RPS6KA2: variants seen among roughly 807,000 people sequenced by gnomAD.
RPS6KA2 encodes ribosomal protein S6 kinase A2, also known as ribosomal protein S6 kinase alpha-2.
RPS6KA2 carries 42 observed loss-of-function variants against 91.8 expected under a neutral mutation model. The observed-to-expected ratio is 0.46, with a 90% CI of 0.36 to 0.59. RPS6KA2 has a LOEUF of 0.59. Ranked by LOEUF, RPS6KA2 falls within the 20% of genes least tolerant of loss-of-function variation. The probability of loss-of-function intolerance (pLI) is 0.00; values close to 1 mark genes in which losing one functional copy is unlikely to be tolerated. For synonymous variants in RPS6KA2, 414 were observed against 393.6 expected, an observed-to-expected ratio of 1.05 and a Z score of -0.61; for missense variants, 798 against 978.5, an observed-to-expected ratio of 0.82 and a Z score of 2.46.
intron 3 of RPS6KA2, among the ~76,000 whole-genome samples, chr6:166,525,874 T>C (rs1446195011): frequency 6.6e-6 from 1 of 152,064 alleles, no homozygotes; most frequent in Non-Finnish European, 1.5e-5. Flanking sequence ...GGAGAACGGG[T>C]TAGGAGATAC....
chr6:166,558,715 T>C (rs1402575496), intron 1 of RPS6KA2, among the ~76,000 whole-genome samples: 1 of 152,130 alleles, frequency 6.6e-6, no homozygotes, highest in Non-Finnish European at 1.5e-5. Flanking sequence ...TCCAGGAAAG[T>C]GGCAAACCGT....
intron 2 of RPS6KA2, among the ~76,000 whole-genome samples, chr6:166,851,615 T>G (rs961334600): frequency 2.6e-5 from 4 of 152,194 alleles, no homozygotes; most frequent in Admixed American, 6.5e-5. Flanking sequence ...CCCGATTTGG[T>G]GCTCTCAGAC....
At chr6:166,653,767 A>G (rs1787930820) in intron 2 of RPS6KA2, among the ~76,000 whole-genome samples, 3 of 152,258 alleles carry the variant, frequency 2.0e-5, no homozygotes, top group Admixed American at 2.0e-4. Flanking sequence ...ACAGGACAGA[A>G]GTAAGTGAAG....
At chr6:166,565,289 A>C (rs1439864788) in intron 1 of RPS6KA2, among the ~76,000 whole-genome samples, 1 of 152,232 alleles carries the variant, frequency 6.6e-6, no homozygotes, top group African/African-American at 2.4e-5. Flanking sequence ...GATGGTGCTG[A>C]CAGCGAGGCG....
rs773413884 is a variant in RPS6KA2, at chr6:166,612,779, G to T, written c.99+14142C>A. Among the ~76,000 whole-genome samples, 1 of 152,160 alleles carries T rather than the reference G, an allele frequency of 6.6e-6. No homozygotes were observed. The highest frequency in any genetic ancestry group is 1.5e-5 in the Non-Finnish European group (1 of 68,026). On this transcript the variant is annotated intron_variant, in intron 1 of 20. Coordinates refer to ENST00000265678, the MANE Select transcript of RPS6KA2 (RefSeq NM_021135.6). The surrounding 1 kb of genome is among the most constrained non-coding windows in gnomAD (Gnocchi z 4.3). ...TTGGATGTTTTCCCAAGTGGCCACTGCCAAATTTACTCCACATCAGCCTCT... is the reference window on the plus strand; with the variant it reads ...TTGGATGTTTTCCCAAGTGGCCACTTCCAAATTTACTCCACATCAGCCTCT...
At chr6:166,656,169 AAC>A (rs1418586555) in intron 2 of RPS6KA2, among the ~76,000 whole-genome samples, 2 of 152,244 alleles carry the variant, frequency 1.3e-5, no homozygotes, top group Admixed American at 1.3e-4. Context: ...AAACAGGTAA[AAC>A]ACAGCTTATT....
Position 166,448,982 on chromosome 6 carries a change from T to C in RPS6KA2, c.1207-133A>G. ...GAGTGTGTGGAGGCCTGGGAGCTCA[T>C]GGGTCCCCCTGCCCAAGGCTGCAGA... On this transcript the variant is annotated intron_variant, in intron 13 of 20. Coordinates refer to ENST00000265678, the MANE Select transcript of RPS6KA2 (RefSeq NM_021135.6). This position sits in a 1 kb window ranked among gnomAD's most constrained non-coding sequence, Gnocchi z 4.7. The C allele has an allele frequency of 3.9e-6, 4 of 1,026,440 alleles. No homozygotes were observed. Among genetic ancestry groups the C allele is most frequent in the Non-Finnish European group, 5.7e-6 (4 of 696,814 alleles). 63.6% of individuals were successfully genotyped at this position (1,026,440 alleles called of 1,614,324 possible). A position where few individuals can be genotyped will look rare whatever the true frequency, so the allele number is the denominator to read the frequency against.
intron 11 of RPS6KA2, among the ~76,000 whole-genome samples, chr6:166,469,333 T>TTTG (rs1554277824): frequency 6.6e-6 from 1 of 151,480 alleles, no homozygotes; most frequent in Non-Finnish European, 1.5e-5. Flanking sequence ...GTTGTTTTTT[T>TTTG]TTTTTTTTTT....
rs186328829 is a variant in RPS6KA2 at position 166,695,347 on chromosome 6, G to C, written c.124-156563C>G. 3.7e-4 allele frequency among the ~76,000 whole-genome samples: 57 copies of C among 152,312 alleles called. No individual in the cohort carries two copies. In the East Asian group the frequency reaches 8.9e-3, roughly 24 times the overall value. On this transcript the variant is annotated intron_variant, in intron 2 of 21. Coordinates refer to the RPS6KA2 transcript ENST00000503859. Reference sequence around the variant, plus strand: ...AGAACAACCCCCAGGAGCAAACCCGGAGCCAGAGAAAAGCGCAGTGTCATT... The same window carrying C: ...AGAACAACCCCCAGGAGCAAACCCGCAGCCAGAGAAAAGCGCAGTGTCATT...
chr6:166,791,670 A>G (rs1779094056), intron 2 of RPS6KA2, among the ~76,000 whole-genome samples: 1 of 152,102 alleles, frequency 6.6e-6, no homozygotes, highest in South Asian at 2.1e-4. Context: ...ACTGTCTCTC[A>G]GACCACAGTG....
intron 10 of RPS6KA2, among the ~76,000 whole-genome samples, chr6:166,484,209 C>A (rs1221797001): frequency 2.0e-5 from 3 of 152,254 alleles, no homozygotes; most frequent in African/African-American, 7.2e-5. Context: ...CCTTAAAGAA[C>A]AACTACAATT....
chr6:166,475,373 C>T (rs574529174), intron 10 of RPS6KA2, among the ~76,000 whole-genome samples: 1 of 152,338 alleles, frequency 6.6e-6, no homozygotes, highest in South Asian at 2.1e-4. Flanking sequence ...CTCCTCTCCA[C>T]TCACCCGTCA....
chr6:166,437,313 C>T lies in RPS6KA2; in HGVS notation c.1333-4823G>A, dbSNP rs150001036. ...TATTAGAGCAAGCTCTGGTGGACGG[C>T]GTTCCTCATTCTGAGAATAATATTG... is the stretch of plus-strand genomic sequence containing the variant. On this transcript the variant is annotated intron_variant, in intron 14 of 20. Coordinates refer to ENST00000265678, the MANE Select transcript of RPS6KA2 (RefSeq NM_021135.6). The surrounding 1 kb of genome is among the most constrained non-coding windows in gnomAD (Gnocchi z 4.3). Among the ~76,000 whole-genome samples the T allele has an allele frequency of 9.2e-4, 140 of 152,228 alleles. 1 individual carries two copies. The highest frequency in any genetic ancestry group is 3.1e-3 in the African/African-American group (129 of 41,530).
chr6:166,832,074 A>ATAGG (rs1443669673), intron 2 of RPS6KA2, among the ~76,000 whole-genome samples: 8 of 150,370 alleles, frequency 5.3e-5, no homozygotes, highest in Admixed American at 3.9e-4. Flanking sequence ...AGATAGATAG[A>ATAGG]TAGATAGATA....
In RPS6KA2 at chr6:166,627,025, CG is replaced by C; in HGVS notation, c.-7del. The C allele has an allele frequency of 6.8e-7, 1 of 1,471,846 alleles. No individual in the cohort carries two copies. Among genetic ancestry groups the C allele is most frequent in the Non-Finnish European group, 9.1e-7 (1 of 1,101,808 alleles). 91.2% of individuals were successfully genotyped at this position (1,471,846 alleles called of 1,614,324 possible). On this transcript the variant is annotated 5_prime_UTR_variant, in exon 1 of 21. Coordinates refer to ENST00000265678, the MANE Select transcript of RPS6KA2 (RefSeq NM_021135.6). ...TTCTTCATGCTCAGGTCCATCGCCC[CG>C]CGCCCAGCCCGGAGCAGCCGCAGGG...
rs78080569 is a variant in RPS6KA2, at chr6:166,713,519, G to A, written c.123+144681C>T. Among the ~76,000 whole-genome samples, 690 of 152,278 alleles carry A rather than the reference G, an allele frequency of 4.5e-3. 4 individuals are homozygous for A. Among genetic ancestry groups the A allele is most frequent in the African/African-American group, 0.016 (646 of 41,546 alleles). ...TGTTCTCCTTTTAAAGGACCAGTGC[G>A]TAGATATCTGGGTCACAGCCCTGGG... is the stretch of plus-strand genomic sequence containing the variant. On this transcript the variant is annotated intron_variant, in intron 2 of 21. Coordinates refer to the RPS6KA2 transcript ENST00000503859.
At chr6:166,592,940 T>A (rs1199035923) in intron 1 of RPS6KA2, among the ~76,000 whole-genome samples, 3 of 152,120 alleles carry the variant, frequency 2.0e-5, no homozygotes, top group Non-Finnish European at 2.9e-5. Flanking sequence ...TGTTTGAAAC[T>A]CGAATTCAAC....
intron 14 of RPS6KA2, among the ~76,000 whole-genome samples, chr6:166,446,375 C>T (rs184492448): frequency 6.6e-6 from 1 of 152,344 alleles, no homozygotes; most frequent in African/African-American, 2.4e-5. Context: ...CCAGACTACA[C>T]ATTATTACCC....
chr6:166,431,745 T>G (rs1184694993), intron 15 of RPS6KA2, among the ~76,000 whole-genome samples: 2 of 151,864 alleles, frequency 1.3e-5, no homozygotes, highest in Non-Finnish European at 2.9e-5. Context: ...GCCTCCGGAG[T>G]AGCTGGGATT....
Sources: gnomAD v4.1 joint callset for allele counts (sites outside exome capture counted in the v4.1 genomes callset) on GRCh38, gnomAD v4.1.1 for gene constraint, Gnocchi (gnomAD v3.1) non-coding constraint, MANE v1.5 for transcripts, NCBI Gene and HGNC (gene_info 2026-07-23, HGNC 2026-07-21) for gene names.